SLC44A5: variants seen among roughly 807,000 people sequenced by gnomAD.
SLC44A5 encodes solute carrier family 44 member 5, also known as choline transporter-like protein 5.
In SLC44A5, 57 loss-of-function variants were observed where a neutral mutation model predicts 101.8. The observed-to-expected ratio is 0.56, with a 90% CI of 0.45 to 0.70. The LOEUF (loss-of-function observed/expected upper bound fraction) is 0.70, where lower values mean the gene tolerates loss of function less well. SLC44A5 is among the 30% of genes least tolerant of loss of function. The pLI is 0.00. For missense variants in SLC44A5, 737 were observed against 853.1 expected (o/e 0.86, Z 1.70); for synonymous variants, 281 against 290.9 (o/e 0.97, Z 0.35).
At chr1:75,218,880 C>T (rs900152109) in intron 16 of SLC44A5, 128 bp from the exon 17 acceptor site, 5 of 813,506 alleles carry the variant, frequency 6.1e-6, no homozygotes, top group Non-Finnish European at 9.5e-6. Context: ...GCTCTTACTC[C>T]TCTATTTTCT....
chr1:75,554,408 C>T (rs530136998), intron 1 of SLC44A5, among the ~76,000 whole-genome samples: 6 of 144,342 alleles, frequency 4.2e-5, no homozygotes, highest in African/African-American at 1.3e-4. Flanking sequence ...ACAGAGGTTG[C>T]GGTGAGCCAA....
At chr1:75,654,256 T>G in the SLC44A5 span, among the ~76,000 whole-genome samples, 4 of 152,348 alleles carry the variant, frequency 2.6e-5, no homozygotes, top group Middle Eastern at 3.4e-3. Flanking sequence ...AGGTTCTCGC[T>G]TTAAAACAGA....
the SLC44A5 span, chr1:75,641,583 C>T: frequency 2.0e-6 from 3 of 1,514,804 alleles, no homozygotes; most frequent in South Asian, 3.4e-5. Context: ...TGATCTTCCC[C>T]TTCAATCAGA....
chr1:75,600,969 AG>A (rs1396718475), intron 1 of SLC44A5, among the ~76,000 whole-genome samples: 1 of 152,214 alleles, frequency 6.6e-6, no homozygotes, highest in Non-Finnish European at 1.5e-5. Context: ...GAGAAGAAAG[AG>A]TAAGAATATG....
chr1:75,640,838 G>C, the SLC44A5 span, among the ~76,000 whole-genome samples: 1 of 151,990 alleles, frequency 6.6e-6, no homozygotes, highest in Non-Finnish European at 1.5e-5. Context: ...GGCTTGTCTG[G>C]GGCTTCATGG....
At chr1:75,396,915 T>A (rs1662163673) in intron 2 of SLC44A5, among the ~76,000 whole-genome samples, 1 of 152,168 alleles carries the variant, frequency 6.6e-6, no homozygotes, top group Admixed American at 6.6e-5. Flanking sequence ...TTGTATAATG[T>A]AGGTGATATG....
chr1:75,603,916 C>A (rs1675166171), intron 1 of SLC44A5, among the ~76,000 whole-genome samples: 1 of 151,616 alleles, frequency 6.6e-6, no homozygotes, highest in Non-Finnish European at 1.5e-5. Flanking sequence ...AGATATTAGA[C>A]CTCTGTCAGA....
intron 2 of SLC44A5, among the ~76,000 whole-genome samples, chr1:75,488,786 TG>T (rs1668287611): frequency 1.3e-5 from 2 of 152,242 alleles, no homozygotes; most frequent in African/African-American, 4.8e-5. Flanking sequence ...ATATGTTCTG[TG>T]GTGAAATAAC....
chr1:75,605,647 G>A (rs1675280036), intron 1 of SLC44A5, among the ~76,000 whole-genome samples: 1 of 152,048 alleles, frequency 6.6e-6, no homozygotes, highest in Non-Finnish European at 1.5e-5. Context: ...TCTGTCATGG[G>A]CCCTAATGGG....
chr1:75,444,964 A>G (rs1246917062), intron 2 of SLC44A5, among the ~76,000 whole-genome samples: 1 of 152,178 alleles, frequency 6.6e-6, no homozygotes, highest in African/African-American at 2.4e-5. Flanking sequence ...GGTGGGAAAT[A>G]ATTAACCGTG....
upstream of SLC44A5, among the ~76,000 whole-genome samples, chr1:75,611,639 C>T (rs902056722): frequency 1.2e-4 from 18 of 152,194 alleles, no homozygotes; most frequent in Non-Finnish European, 1.8e-4. Flanking sequence ...TTGTAAACAT[C>T]TGTGTGCTTT....
the SLC44A5 span, among the ~76,000 whole-genome samples, chr1:75,621,204 G>C: frequency 5.7e-3 from 860 of 152,176 alleles, 13 homozygotes; most frequent in Admixed American, 0.034. Flanking sequence ...TGATGACAAG[G>C]ACAAAACTGG....
chr1:75,230,481 C>A (rs1557551544), intron 12 of SLC44A5, among the ~76,000 whole-genome samples: 1 of 151,886 alleles, frequency 6.6e-6, no homozygotes, highest in Non-Finnish European at 1.5e-5. Flanking sequence ...AATCTCTTGA[C>A]CTTGCGATCC....
At chr1:75,206,636 G>T in intron 23 of SLC44A5, 1 of 1,611,844 alleles carries the variant, frequency 6.2e-7, no homozygotes, top group South Asian at 1.1e-5. Context: ...GGAACTAGTT[G>T]CTTCTTGATC....
intron 3 of SLC44A5, among the ~76,000 whole-genome samples, chr1:75,389,425 A>G (rs1338842230): frequency 6.6e-6 from 1 of 152,212 alleles, no homozygotes; most frequent in Middle Eastern, 3.2e-3. Context: ...TCTTGGCCAT[A>G]AAACAAGTCT....
At chr1:75,518,795 T>G (rs980610819) in intron 2 of SLC44A5, among the ~76,000 whole-genome samples, 2 of 152,152 alleles carry the variant, frequency 1.3e-5, no homozygotes, top group African/African-American at 4.8e-5. Flanking sequence ...ATGTCCAGAC[T>G]AGGAAAATCA....
intron 4 of SLC44A5, among the ~76,000 whole-genome samples, chr1:75,334,439 C>T (rs1390142506): frequency 2.0e-5 from 3 of 152,090 alleles, no homozygotes; most frequent in African/African-American, 4.8e-5. Context: ...TTATTAAAGC[C>T]TCAACTCAGG....
the SLC44A5 span, among the ~76,000 whole-genome samples, chr1:75,624,023 G>C: frequency 6.6e-6 from 1 of 152,134 alleles, no homozygotes; most frequent in Admixed American, 6.6e-5. Context: ...GTCTGCAGCA[G>C]GGAAAGTACC....
intron 1 of SLC44A5, among the ~76,000 whole-genome samples, chr1:75,584,041 T>C (rs1673854644): frequency 6.6e-6 from 1 of 152,258 alleles, no homozygotes; most frequent in African/African-American, 2.4e-5. Flanking sequence ...CCATTCCACA[T>C]GTTCTTATAG....
Sources: gnomAD v4.1 joint callset for allele counts (sites outside exome capture counted in the v4.1 genomes callset) on GRCh38, gnomAD v4.1.1 for gene constraint, MANE v1.5 for transcripts, NCBI Gene and HGNC (gene_info 2026-07-23, HGNC 2026-07-21) for gene names.